SCAPER: variants seen among roughly 807,000 people sequenced by gnomAD.
SCAPER encodes S-phase cyclin A associated protein in the ER, also known as S phase cyclin A-associated protein in the endoplasmic reticulum.
In SCAPER, 98 loss-of-function variants were observed where a neutral mutation model predicts 182.2. That is an observed-to-expected ratio of 0.54 (90% CI 0.46 to 0.64). The LOEUF (loss-of-function observed/expected upper bound fraction) is 0.64. Ranked by LOEUF, SCAPER falls within the 30% of genes least tolerant of loss-of-function variation. SCAPER has a pLI of 0.00. For synonymous variants in SCAPER, 605 were observed against 564.6 expected (o/e 1.07, Z -1.01); for missense variants, 1,432 against 1,690.0 (o/e 0.85, Z 2.68).
chr15:76,686,255 G>C (rs564025162), intron 20 of SCAPER, among the ~76,000 whole-genome samples: 1 of 151,978 alleles, frequency 6.6e-6, no homozygotes, highest in Non-Finnish European at 1.5e-5. Context: ...AAAAGGGGCA[G>C]AACAGCCACA....
At chr15:76,523,015 T>C (rs1370185251) in intron 23 of SCAPER, among the ~76,000 whole-genome samples, 1 of 151,988 alleles carries the variant, frequency 6.6e-6, no homozygotes, top group Non-Finnish European at 1.5e-5. Flanking sequence ...CATAAATACA[T>C]ATATAATATA....
chr15:76,518,924 A>C (rs1194724743), intron 23 of SCAPER, among the ~76,000 whole-genome samples: 27 of 152,230 alleles, frequency 1.8e-4, no homozygotes. Flanking sequence ...TCAAGTGTTT[A>C]CTGAAGAGTT....
chr15:76,370,936 G>A (rs2042121324), intron 29 of SCAPER, among the ~76,000 whole-genome samples: 1 of 152,160 alleles, frequency 6.6e-6, no homozygotes, highest in Non-Finnish European at 1.5e-5. Flanking sequence ...GAAATGTACT[G>A]TCTTGGTGAA....
At chr15:76,608,447 T>A (rs973276735) in intron 22 of SCAPER, among the ~76,000 whole-genome samples, 1 of 152,172 alleles carries the variant, frequency 6.6e-6, no homozygotes, top group Non-Finnish European at 1.5e-5. Flanking sequence ...GCCTCCCAGT[T>A]AGGCTACTCG....
intron 24 of SCAPER, among the ~76,000 whole-genome samples, chr15:76,473,170 C>T (rs909504230): frequency 6.6e-6 from 1 of 152,142 alleles, no homozygotes; most frequent in Non-Finnish European, 1.5e-5. Context: ...AAATGTCAAC[C>T]CTCACTCTAA....
intron 2 of SCAPER, among the ~76,000 whole-genome samples, chr15:76,874,276 G>A (rs2072992312): frequency 6.6e-6 from 1 of 152,164 alleles, no homozygotes; most frequent in Admixed American, 6.5e-5. Flanking sequence ...ATAATAAAAT[G>A]ATGGCAGGTT....
chr15:76,394,805 G>T (rs1361429935), intron 27 of SCAPER, among the ~76,000 whole-genome samples: 7 of 152,098 alleles, frequency 4.6e-5, no homozygotes, highest in Admixed American at 4.6e-4. Flanking sequence ...GGAAAATGGG[G>T]TTATCTGTCT....
In SCAPER at chr15:76,667,739, G is replaced by C. The variant is rs983784192; in HGVS notation, c.2509-1950C>G. Among the ~76,000 whole-genome samples the C allele has an allele frequency of 1.3e-4, 19 of 150,758 alleles. 1 individual carries two copies. Among genetic ancestry groups the C allele is most frequent in the African/African-American group, 4.1e-4 (17 of 41,020 alleles). Reference sequence around the variant, plus strand: ...AAGCCAAGGTGGGAGGATCACTTGAGGGCAAGAGTTCGAGACCAGCCTGGC... The same window carrying C: ...AAGCCAAGGTGGGAGGATCACTTGACGGCAAGAGTTCGAGACCAGCCTGGC... On this transcript the variant is annotated intron_variant, in intron 20 of 31. Transcript: ENST00000563290.
At chr15:76,570,069 C>T (rs998376913) in intron 23 of SCAPER, among the ~76,000 whole-genome samples, 10 of 152,056 alleles carry the variant, frequency 6.6e-5, no homozygotes, top group Non-Finnish European at 1.5e-4. Flanking sequence ...TTGCTATTAT[C>T]TTTCTCCAAA....
At chr15:76,380,357 G>C (rs1187199403) in intron 28 of SCAPER, 2 of 152,066 alleles carry the variant, frequency 1.3e-5, no homozygotes, top group African/African-American at 4.8e-5. Flanking sequence ...TTCTGTTCTT[G>C]TGACAGATAA....
At chr15:76,433,311 C>T (rs534917045) in intron 26 of SCAPER, among the ~76,000 whole-genome samples, 62 of 152,258 alleles carry the variant, frequency 4.1e-4, no homozygotes, top group African/African-American at 1.3e-3. Context: ...AGTTTGAGAC[C>T]AGCCTGGCAA....
Position 76,711,179 on chromosome 15 carries a change from A to G in SCAPER, c.2166-5195T>C, listed in dbSNP as rs77542153. Among the ~76,000 whole-genome samples, 1,378 of 152,306 alleles carry G rather than the reference A, an allele frequency of 9.0e-3. 22 individuals are homozygous for G. Among genetic ancestry groups the G allele is most frequent in the African/African-American group, 0.032 (1,338 of 41,578 alleles). ...CTTAGATATGAAAACCATTGTATAT[A>G]AAATGAAAATTTGATATACTGGACA... is the stretch of plus-strand genomic sequence containing the variant. On this transcript the variant is annotated intron_variant, in intron 17 of 31. Transcript: ENST00000563290.
intron 18 of SCAPER, among the ~76,000 whole-genome samples, chr15:76,703,461 C>G (rs950667032): frequency 3.3e-5 from 5 of 152,200 alleles, no homozygotes; most frequent in African/African-American, 1.2e-4. Context: ...CTTATCCATA[C>G]AGCAGGCAAG....
intron 17 of SCAPER, among the ~76,000 whole-genome samples, chr15:76,723,061 T>C (rs149172875): frequency 0.023 from 3,564 of 152,210 alleles, 69 homozygotes; most frequent in Non-Finnish European, 0.032. Flanking sequence ...CTCTTGTGGG[T>C]ATTTAGGGCT....
chr15:76,763,977 G>C (rs766309250), intron 14 of SCAPER, among the ~76,000 whole-genome samples: 2 of 151,166 alleles, frequency 1.3e-5, no homozygotes, highest in Non-Finnish European at 3.0e-5. Flanking sequence ...TTGCTTGCTG[G>C]ATATTTATTG....
chr15:76,475,483 C>T (rs926839607), intron 24 of SCAPER, among the ~76,000 whole-genome samples: 3 of 152,110 alleles, frequency 2.0e-5, no homozygotes, highest in African/African-American at 7.2e-5. Context: ...CACACCACCA[C>T]ACCCAGCTAA....
At chr15:76,834,969 T>C (rs558117167) in intron 5 of SCAPER, among the ~76,000 whole-genome samples, 1 of 152,132 alleles carries the variant, frequency 6.6e-6, no homozygotes, top group East Asian at 1.9e-4. Context: ...TTCCATCAGA[T>C]ATACAAAGAA....
At chr15:76,778,256 T>C (rs2063864757) in intron 8 of SCAPER, among the ~76,000 whole-genome samples, 1 of 152,162 alleles carries the variant, frequency 6.6e-6, no homozygotes, top group Non-Finnish European at 1.5e-5. Flanking sequence ...TTTGAGATAA[T>C]TATATTTTAA....
intron 21 of SCAPER, among the ~76,000 whole-genome samples, chr15:76,640,898 G>A (rs1203458586): frequency 3.3e-5 from 5 of 152,250 alleles, no homozygotes; most frequent in Admixed American, 3.3e-4. Context: ...GTGCAGTCAG[G>A]GAGGTTTCAC....
Sources: gnomAD v4.1 joint callset for allele counts (sites outside exome capture counted in the v4.1 genomes callset) on GRCh38, gnomAD v4.1.1 for gene constraint, MANE v1.5 for transcripts, NCBI Gene and HGNC (gene_info 2026-07-23, HGNC 2026-07-21) for gene names.